MAGI2: variants seen among roughly 807,000 people sequenced by gnomAD.
MAGI2 encodes the protein membrane associated guanylate kinase, WW and PDZ domain containing 2.
MAGI2 carries 35 observed loss-of-function variants against 133.3 expected under a neutral mutation model. The observed-to-expected ratio is 0.26, with a 90% CI of 0.20 to 0.35. The LOEUF (loss-of-function observed/expected upper bound fraction) is 0.35. Ranked by LOEUF, MAGI2 falls within the 10% of genes least tolerant of loss-of-function variation. The pLI is 1.00. For missense variants in MAGI2, 1,636 were observed against 1,863.4 expected, an observed-to-expected ratio of 0.88 and a Z score of 2.25; for synonymous variants, 729 against 710.6, an observed-to-expected ratio of 1.03 and a Z score of -0.41.
chr7:78,706,872 AG>A (rs1818703581), intron 2 of MAGI2, among the ~76,000 whole-genome samples: 1 of 152,086 alleles, frequency 6.6e-6, no homozygotes, highest in Non-Finnish European at 1.5e-5. Context: ...GGGAAAAAAA[AG>A]AACACCGTGT....
intron 1 of MAGI2, among the ~76,000 whole-genome samples, chr7:79,235,282 G>A (rs372214236): frequency 2.0e-5 from 3 of 151,994 alleles, no homozygotes; most frequent in Non-Finnish European, 4.4e-5. Context: ...GTGGAGCCTA[G>A]AGAGGCAGGC....
intron 1 of MAGI2, among the ~76,000 whole-genome samples, chr7:79,213,515 C>T (rs980487704): frequency 6.6e-6 from 1 of 152,014 alleles, no homozygotes; most frequent in Non-Finnish European, 1.5e-5. Flanking sequence ...GCTGAGGATA[C>T]ATTTTGCCCA....
chr7:78,610,774 A>C (rs988599595), intron 3 of MAGI2, among the ~76,000 whole-genome samples: 1 of 152,238 alleles, frequency 6.6e-6, no homozygotes, highest in Admixed American at 6.5e-5. Context: ...ACACTGGTTT[A>C]GAATGATGGA....
chr7:78,409,749 T>G (rs1349071147), intron 6 of MAGI2, among the ~76,000 whole-genome samples: 1 of 151,948 alleles, frequency 6.6e-6, no homozygotes, highest in Non-Finnish European at 1.5e-5. Flanking sequence ...ACACGCAGAT[T>G]TAGGTACATG....
In MAGI2 at chr7:78,815,612, C is replaced by T. The variant is rs541197181; in HGVS notation, c.419-188373G>A. On this transcript the variant is annotated intron_variant, in intron 2 of 21. Coordinates refer to ENST00000354212, the MANE Select transcript of MAGI2 (RefSeq NM_012301.4). ...GTGCTTTCTTCATTTCTCTGTGTCA[C>T]GTTTGGTAATTCTTGCAATATTTCA... 2.0e-4 allele frequency among the ~76,000 whole-genome samples: 31 copies of T among 152,144 alleles called. No homozygotes were observed. In the South Asian group the frequency reaches 5.6e-3, roughly 28 times the overall value.
At chr7:78,581,822 G>C in intron 3 of MAGI2, among the ~76,000 whole-genome samples, 1 of 152,182 alleles carries the variant, frequency 6.6e-6, no homozygotes, top group Middle Eastern at 3.2e-3. Context: ...CTGTTGTGGA[G>C]AGGTGTGATT....
chr7:79,143,578 C>T (rs1822333716), intron 1 of MAGI2, among the ~76,000 whole-genome samples: 1 of 152,154 alleles, frequency 6.6e-6, no homozygotes, highest in African/African-American at 2.4e-5. Flanking sequence ...TATCCCAATG[C>T]TGATGTAGAT....
chr7:78,862,565 C>T (rs1320015828), intron 2 of MAGI2, among the ~76,000 whole-genome samples: 1 of 152,156 alleles, frequency 6.6e-6, no homozygotes, highest in Admixed American at 6.5e-5. Flanking sequence ...GCATCATTTC[C>T]ATAGCTACAG....
At chr7:79,072,069 C>A (rs1179127901) in intron 1 of MAGI2, among the ~76,000 whole-genome samples, 1 of 152,116 alleles carries the variant, frequency 6.6e-6, no homozygotes, top group East Asian at 1.9e-4. Flanking sequence ...CCTTGTGCTT[C>A]CAGGGTGATG....
At chr7:78,890,905 C>T (rs914107845) in intron 2 of MAGI2, among the ~76,000 whole-genome samples, 1 of 152,026 alleles carries the variant, frequency 6.6e-6, no homozygotes, top group African/African-American at 2.4e-5. Flanking sequence ...AATAGAGACA[C>T]AAAAAACCCT....
intron 2 of MAGI2, among the ~76,000 whole-genome samples, chr7:78,730,717 T>G (rs1480144135): frequency 6.6e-6 from 1 of 152,126 alleles, no homozygotes; most frequent in Non-Finnish European, 1.5e-5. Flanking sequence ...TAGTACCATA[T>G]ATTTATTATA....
intron 2 of MAGI2, among the ~76,000 whole-genome samples, chr7:78,627,611 T>C (rs1808509531): frequency 6.6e-6 from 1 of 152,202 alleles, no homozygotes; most frequent in African/African-American, 2.4e-5. Context: ...TCTATTGTCC[T>C]GCAGACTGCT....
intron 1 of MAGI2, among the ~76,000 whole-genome samples, chr7:79,283,157 C>T (rs1460082637): frequency 1.3e-5 from 2 of 151,984 alleles, no homozygotes; most frequent in Non-Finnish European, 2.9e-5. Context: ...ATTATGTTCC[C>T]TCAGGGTTCA....
chr7:79,443,283 T>C (rs773554152), intron 1 of MAGI2, among the ~76,000 whole-genome samples: 2,533 of 54,086 alleles, frequency 0.047, 72 homozygotes, highest in African/African-American at 0.11. Flanking sequence ...TGTGTGTGTG[T>C]GCGTGTGTGT....
chr7:78,148,024 C>G (rs1415963392), intron 16 of MAGI2, among the ~76,000 whole-genome samples: 1 of 152,002 alleles, frequency 6.6e-6, no homozygotes, highest in Non-Finnish European at 1.5e-5. Flanking sequence ...AATCAGCAAT[C>G]CTACACCTAG....
chr7:79,188,896 T>C lies in MAGI2; in HGVS notation c.302-181690A>G, dbSNP rs546370447. 9.9e-5 allele frequency among the ~76,000 whole-genome samples: 15 copies of C among 152,000 alleles called. No individual in the cohort carries two copies. In the East Asian group the frequency reaches 2.9e-3, roughly 29 times the overall value. ...TATGCGTGTATATTATTTAAAACAG[T>C]ATCAGGCTCTCTAACTTACTTTTCT... On this transcript the variant is annotated intron_variant, in intron 1 of 21. Coordinates refer to ENST00000354212, the MANE Select transcript of MAGI2 (RefSeq NM_012301.4).
At chr7:78,316,305 A>C (rs1425512022) in intron 9 of MAGI2, among the ~76,000 whole-genome samples, 1 of 152,168 alleles carries the variant, frequency 6.6e-6, no homozygotes, top group African/African-American at 2.4e-5. Flanking sequence ...AGAATTCATT[A>C]TTTACACTGC....
At chr7:78,695,925 T>C (rs1241221999) in intron 2 of MAGI2, among the ~76,000 whole-genome samples, 2 of 151,954 alleles carry the variant, frequency 1.3e-5, no homozygotes, top group Non-Finnish European at 2.9e-5. Context: ...GTATACCACA[T>C]AGTTCATTTT....
chr7:79,274,470 G>A (rs1035323002), intron 1 of MAGI2, among the ~76,000 whole-genome samples: 1 of 151,946 alleles, frequency 6.6e-6, no homozygotes, highest in Non-Finnish European at 1.5e-5. Context: ...AGCAATTTAA[G>A]CACATGGTTT....
Sources: gnomAD v4.1 joint callset for allele counts (sites outside exome capture counted in the v4.1 genomes callset) on GRCh38, gnomAD v4.1.1 for gene constraint, MANE v1.5 for transcripts, NCBI Gene and HGNC (gene_info 2026-07-23, HGNC 2026-07-21) for gene names.